Variants in NAALADL2 observed in about 807,000 individuals in gnomAD.
The protein encoded by NAALADL2 is N-acetylated alpha-linked acidic dipeptidase like 2.
A neutral mutation model predicts 87.2 loss-of-function variants in NAALADL2; 76 were observed. The observed-to-expected ratio is 0.87, with a 90% CI of 0.72 to 1.05. NAALADL2 has a LOEUF of 1.05. Among genes scored for constraint, NAALADL2 ranks in the 50% least tolerant of loss-of-function variants. NAALADL2 has a pLI of 0.00. For missense variants in NAALADL2, 1,089 were observed against 945.8 expected (o/e 1.15, Z -1.99); for synonymous variants, 354 against 331.0 (o/e 1.07, Z -0.75).
chr3:175,140,189 T>C (rs13323497), intron 2 of NAALADL2, among the ~76,000 whole-genome samples: 17,537 of 152,112 alleles, frequency 0.12, 1,172 homozygotes, highest in African/African-American at 0.17. Flanking sequence ...GTAGGATAGT[T>C]GTGAAGATTA....
intron 1 of NAALADL2, among the ~76,000 whole-genome samples, chr3:174,531,752 C>T (rs536047936): frequency 2.4e-4 from 37 of 152,196 alleles, no homozygotes; most frequent in South Asian, 6.2e-4. Context: ...TGTATACTCC[C>T]TCTAGTGTGT....
intron 3 of NAALADL2, among the ~76,000 whole-genome samples, chr3:174,770,985 T>A (rs558593257): frequency 1.9e-4 from 29 of 152,364 alleles, no homozygotes; most frequent in African/African-American, 6.3e-4. Flanking sequence ...AGCCTTTTTG[T>A]TAAAAGATAA....
chr3:175,743,247 C>T (rs1296997527), intron 12 of NAALADL2, among the ~76,000 whole-genome samples: 9 of 152,098 alleles, frequency 5.9e-5, no homozygotes, highest in Non-Finnish European at 1.0e-4. Flanking sequence ...GTGATCTGCC[C>T]GCCTTGGCCT....
At chr3:175,022,733 G>A (rs764557132) in intron 1 of NAALADL2, among the ~76,000 whole-genome samples, 4 of 152,084 alleles carry the variant, frequency 2.6e-5, no homozygotes, top group African/African-American at 9.7e-5. Context: ...TTGGCTGAGA[G>A]AGATTGACTG....
chr3:175,750,035 A>G (rs1164308165), intron 12 of NAALADL2, among the ~76,000 whole-genome samples: 1 of 152,218 alleles, frequency 6.6e-6, no homozygotes, highest in African/African-American at 2.4e-5. Flanking sequence ...TACATTTGTT[A>G]TAATATTTTA....
intron 1 of NAALADL2, among the ~76,000 whole-genome samples, chr3:174,444,090 A>G (rs770152615): frequency 2.2e-4 from 33 of 152,198 alleles, no homozygotes; most frequent in Admixed American, 2.1e-3. Context: ...GTACAAAACA[A>G]TGGCATGTTG....
intron 1 of NAALADL2, among the ~76,000 whole-genome samples, chr3:174,493,064 A>T (rs1260137463): frequency 2.0e-5 from 3 of 152,206 alleles, no homozygotes; most frequent in Non-Finnish European, 4.4e-5. Flanking sequence ...AATCTGGATC[A>T]TTATGTAGAA....
intron 5 of NAALADL2, among the ~76,000 whole-genome samples, chr3:175,389,935 C>G (rs1768872902): frequency 6.6e-6 from 1 of 152,082 alleles, no homozygotes; most frequent in Admixed American, 6.6e-5. Context: ...CCTTAAGATT[C>G]CATGGTAAAC....
At chr3:175,511,845 G>T (rs1358215915) in intron 9 of NAALADL2, among the ~76,000 whole-genome samples, 1 of 152,210 alleles carries the variant, frequency 6.6e-6, no homozygotes, top group Non-Finnish European at 1.5e-5. Context: ...ACTATGCAAA[G>T]AGCTAGTCCT....
At chr3:174,737,187 T>C (rs1733306679) in intron 2 of NAALADL2, among the ~76,000 whole-genome samples, 1 of 152,204 alleles carries the variant, frequency 6.6e-6, no homozygotes, top group Non-Finnish European at 1.5e-5. Context: ...GGGCTGCTGC[T>C]GCCAACACCT....
chr3:175,072,029 C>T lies in NAALADL2; in HGVS notation c.44-24761C>T, dbSNP rs140062691. 4.3e-3 allele frequency among the ~76,000 whole-genome samples: 651 copies of T among 151,986 alleles called. 2 individuals carry two copies. Among genetic ancestry groups the T allele is most frequent in the Non-Finnish European group, 6.7e-3 (456 of 67,934 alleles). ...TCCCTATAAGCATATTTGAACTTGT[C>T]GGAATATATGTACATTTTGTGGTTC... On this transcript the variant is annotated intron_variant, in intron 1 of 13. Transcript: ENST00000454872.
At chr3:175,756,717 T>C (rs1291059685) in intron 13 of NAALADL2, among the ~76,000 whole-genome samples, 3 of 152,044 alleles carry the variant, frequency 2.0e-5, no homozygotes, top group Admixed American at 6.6e-5. Flanking sequence ...TGTTCACTAT[T>C]TGGGTGATGG....
intron 11 of NAALADL2, among the ~76,000 whole-genome samples, chr3:175,734,903 TC>T (rs1744298656): frequency 6.6e-6 from 1 of 152,222 alleles, no homozygotes; most frequent in South Asian, 2.1e-4. Flanking sequence ...AGCATTTGGC[TC>T]CTTTTTTACT....
chr3:174,893,106 C>G (rs913057688), intron 1 of NAALADL2, among the ~76,000 whole-genome samples: 13 of 152,064 alleles, frequency 8.5e-5, no homozygotes, highest in Admixed American at 6.5e-5. Flanking sequence ...TGGCAGCAGA[C>G]TCTTCAGTGG....
chr3:175,627,964 GA>G (rs11360613), intron 11 of NAALADL2, among the ~76,000 whole-genome samples: 111,965 of 151,300 alleles, frequency 0.74, 42,124 homozygotes, highest in East Asian at 0.88. Flanking sequence ...TTTAGTTGCA[GA>G]AAAAAAAGGC....
Position 175,241,855 on chromosome 3 carries a change from ATTTTT to A in NAALADL2, c.819+7669_819+7673del, listed in dbSNP as rs779567135. Among the ~76,000 whole-genome samples, 44 of 83,818 alleles carry A rather than the reference ATTTTT, an allele frequency of 5.2e-4. No individual in the cohort carries two copies. The East Asian group carries it at 7.3e-3, about 14-fold the overall frequency. 55.0% of individuals were successfully genotyped at this position (83,818 alleles called of 152,430 possible). ...TAGTGAGAAAGTATCTGGATGCTGA[ATTTTT>A]TTTTTTTTTTTTTTTTTCTTGAGAC... is the stretch of plus-strand genomic sequence containing the variant. On this transcript the variant is annotated intron_variant, in intron 3 of 13. Coordinates refer to ENST00000454872, the MANE Select transcript of NAALADL2 (RefSeq NM_207015.3).
chr3:174,533,825 G>T (rs1020224543), intron 1 of NAALADL2, among the ~76,000 whole-genome samples: 21 of 152,054 alleles, frequency 1.4e-4, no homozygotes, highest in Non-Finnish European at 2.4e-4. Context: ...TTAAAGAAAA[G>T]AGAGGACATT....
intron 1 of NAALADL2, among the ~76,000 whole-genome samples, chr3:174,985,432 A>T (rs78631574): frequency 1.3e-5 from 2 of 152,142 alleles, no homozygotes; most frequent in Admixed American, 1.3e-4. Flanking sequence ...GTTTCAAGAA[A>T]AATCTTTTGA....
intron 2 of NAALADL2, among the ~76,000 whole-genome samples, chr3:175,121,214 T>C (rs1031815413): frequency 3.3e-5 from 5 of 151,894 alleles, no homozygotes; most frequent in African/African-American, 1.2e-4. Context: ...GCCATACAGA[T>C]CTATAAGTGT....
Sources: gnomAD v4.1 joint callset for allele counts (sites outside exome capture counted in the v4.1 genomes callset) on GRCh38, gnomAD v4.1.1 for gene constraint, MANE v1.5 for transcripts, NCBI Gene and HGNC (gene_info 2026-07-23, HGNC 2026-07-21) for gene names.